Variants in ZBTB20 observed in about 807,000 individuals in gnomAD.
The protein encoded by ZBTB20 is zinc finger and BTB domain-containing protein 20.
Under a neutral mutation model 56.9 loss-of-function variants are expected in ZBTB20, and 9 were observed. The observed-to-expected ratio is 0.16, with a 90% CI of 0.10 to 0.28. ZBTB20 has a LOEUF of 0.28. Among genes scored for constraint, ZBTB20 ranks in the 10% least tolerant of loss-of-function variants. ZBTB20 has a pLI of 1.00. For missense variants in ZBTB20, 655 were observed against 1,003.0 expected (o/e 0.65, Z 4.69); for synonymous variants, 417 against 420.7 (o/e 0.99, Z 0.11).
chr3:114,423,721 G>A (rs2089394049), intron 7 of ZBTB20, among the ~76,000 whole-genome samples: 1 of 152,290 alleles, frequency 6.6e-6, no homozygotes, highest in East Asian at 1.9e-4. Flanking sequence ...TGATGTTCCA[G>A]TGTAAGTTTT....
At chr3:115,056,409 C>G (rs2081784598) in intron 2 of ZBTB20, among the ~76,000 whole-genome samples, 1 of 151,990 alleles carries the variant, frequency 6.6e-6, no homozygotes, top group Admixed American at 6.6e-5. Flanking sequence ...TATATGTGCT[C>G]CCTCATGCCC....
At position 114,314,667 on chromosome 3, in the gene ZBTB20, T is replaced by G. The variant is rs188978878; in HGVS notation, c.*24338A>C. 1 of 151,988 alleles carries G rather than the reference T, an allele frequency of 6.6e-6. No individual in the cohort carries two copies. The highest frequency in any genetic ancestry group is 6.5e-5 in the Admixed American group (1 of 15,274). The allele number at this position is 151,988 out of a possible 1,614,324, so 9.4% of individuals were successfully genotyped here. On this transcript the variant is annotated 3_prime_UTR_variant, in exon 12 of 12. Transcript: ENST00000675478. ...AAACATCATTCTTAGCAACATCAAT[T>G]ACTCTTCCACACAAAACAGAAACCT...
intron 6 of ZBTB20, among the ~76,000 whole-genome samples, chr3:114,573,526 A>G (rs2053669673): frequency 6.6e-6 from 1 of 151,162 alleles, no homozygotes; most frequent in African/African-American, 2.4e-5. Context: ...AGAAACAGAG[A>G]GAGAGAAAGA....
chr3:115,075,553 T>C (rs1419276021), intron 1 of ZBTB20, among the ~76,000 whole-genome samples: 1 of 152,188 alleles, frequency 6.6e-6, no homozygotes, highest in Non-Finnish European at 1.5e-5. Flanking sequence ...TGTTTCCACA[T>C]CTTGGTCATT....
At position 114,330,107 on chromosome 3, in the gene ZBTB20, T is replaced by C. The variant is rs976406702; in HGVS notation, c.*8898A>G. The C allele has an allele frequency of 2.6e-5, 4 of 152,260 alleles. No homozygotes were observed. Among genetic ancestry groups the C allele is most frequent in the African/African-American group, 9.6e-5 (4 of 41,474 alleles). The allele number at this position is 152,260 out of a possible 1,614,324, so 9.4% of individuals were successfully genotyped here. A position where few individuals can be genotyped will look rare whatever the true frequency, so the allele number is the denominator to read the frequency against. The stretch of plus-strand genomic sequence containing the variant: ...CAGCTAAACAAGATCACTTTGAATA[T>C]GAACCTCTTTGTATTAGTCACACCA... On this transcript the variant is annotated 3_prime_UTR_variant, in exon 12 of 12. Transcript: ENST00000675478.
chr3:114,886,866 T>C (rs1237368049), intron 4 of ZBTB20, among the ~76,000 whole-genome samples: 2 of 152,184 alleles, frequency 1.3e-5, no homozygotes, highest in Admixed American at 1.3e-4. Flanking sequence ...ATAATTAACA[T>C]GTTAGCATAT....
Position 114,326,074 on chromosome 3 carries a change from A to T in ZBTB20, c.*12931T>A, listed in dbSNP as rs371124722. 2 of 152,112 alleles carry T rather than the reference A, an allele frequency of 1.3e-5. No homozygotes were observed. Among genetic ancestry groups the T allele is most frequent in the African/African-American group, 4.8e-5 (2 of 41,414 alleles). The allele number at this position is 152,112 out of a possible 1,614,324, so 9.4% of individuals were successfully genotyped here. On this transcript the variant is annotated 3_prime_UTR_variant, in exon 12 of 12. Transcript: ENST00000675478. ...TTTCTCTACTTAAGACTTCATGAAC[A>T]CATACAGTCTTGAAATGGCTAGAAA...
chr3:114,492,231 C>T (rs888007244), intron 7 of ZBTB20, among the ~76,000 whole-genome samples: 7 of 152,138 alleles, frequency 4.6e-5, no homozygotes, highest in East Asian at 1.9e-4. Flanking sequence ...CACTATATGT[C>T]GATTACCCTG....
chr3:114,380,777 CG>C lies in ZBTB20; in HGVS notation c.10del (p.Arg4GlyfsTer33). Reference protein sequence around the residue: MLERKKPKTAENQK... With the variant: MLEXKKPKTAENQK... ...GGAAAAATACTAGTGGAAGTTTTAC[CG>C]TTCTAGCATTTGTCAGGAAGCTTAG... On this transcript the variant is annotated frameshift_variant and splice_region_variant, in exon 9 of 12. Transcript: ENST00000675478. LOFTEE classifies it high-confidence loss of function. 6.6e-7 allele frequency: 1 copy of C among 1,509,584 alleles called. No homozygotes were observed. Among genetic ancestry groups the C allele is most frequent in the Non-Finnish European group, 8.8e-7 (1 of 1,137,240 alleles). The allele number at this position is 1,509,584 out of a possible 1,614,324, so 93.5% of individuals were successfully genotyped here. A position where few individuals can be genotyped will look rare whatever the true frequency, so the allele number is the denominator to read the frequency against.
At chr3:114,562,399 A>G (rs144274172) in intron 6 of ZBTB20, among the ~76,000 whole-genome samples, 24,897 of 151,956 alleles carry the variant, frequency 0.16, 2,249 homozygotes, top group South Asian at 0.25. Flanking sequence ...TCTTGACCTC[A>G]TGATCCACCT....
chr3:114,548,125 A>C (rs534971449), intron 6 of ZBTB20, among the ~76,000 whole-genome samples: 4 of 152,364 alleles, frequency 2.6e-5, no homozygotes, highest in Admixed American at 2.6e-4. Flanking sequence ...TAAGAGACAC[A>C]TGTGCATGTG....
intron 6 of ZBTB20, among the ~76,000 whole-genome samples, chr3:114,608,341 A>G (rs1362386259): frequency 3.3e-5 from 5 of 152,144 alleles, no homozygotes; most frequent in African/African-American, 1.2e-4. Context: ...AATCATACCA[A>G]TTGACTAGTT....
intron 7 of ZBTB20, among the ~76,000 whole-genome samples, chr3:114,474,898 C>T (rs1204878101): frequency 6.6e-6 from 1 of 152,092 alleles, no homozygotes; most frequent in Non-Finnish European, 1.5e-5. Context: ...ATCTTGTGTC[C>T]TCTGGTCTCT....
At chr3:115,045,781 T>C (rs2081312707) in intron 2 of ZBTB20, among the ~76,000 whole-genome samples, 2 of 152,154 alleles carry the variant, frequency 1.3e-5, no homozygotes, top group African/African-American at 4.8e-5. Context: ...ACTACTGACA[T>C]ATTCTTTCCC....
chr3:114,947,007 AG>A (rs771110586), intron 3 of ZBTB20, among the ~76,000 whole-genome samples: 5 of 145,698 alleles, frequency 3.4e-5, no homozygotes, highest in Non-Finnish European at 7.4e-5. Context: ...AGACATGAAT[AG>A]CCATTTTTCA....
chr3:114,422,601 T>C (rs1208457319), intron 7 of ZBTB20, among the ~76,000 whole-genome samples: 2 of 152,204 alleles, frequency 1.3e-5, no homozygotes, highest in African/African-American at 4.8e-5. Context: ...TTGTAAGATG[T>C]TGTCCAGATT....
intron 6 of ZBTB20, among the ~76,000 whole-genome samples, chr3:114,691,161 C>T (rs1244807825): frequency 1.3e-5 from 2 of 152,104 alleles, no homozygotes; most frequent in African/African-American, 4.8e-5. Flanking sequence ...TCAACTGTTA[C>T]ATGTTAGAAA....
At chr3:114,569,210 A>C (rs547377114) in intron 6 of ZBTB20, among the ~76,000 whole-genome samples, 2 of 152,348 alleles carry the variant, frequency 1.3e-5, no homozygotes, top group East Asian at 3.9e-4. Flanking sequence ...GGCTCTATGG[A>C]AAATGCCATA....
At chr3:114,571,988 T>C (rs1310452980) in intron 6 of ZBTB20, among the ~76,000 whole-genome samples, 2 of 152,166 alleles carry the variant, frequency 1.3e-5, no homozygotes, top group African/African-American at 4.8e-5. Flanking sequence ...TGGGAGGCAT[T>C]AATGCTAATA....
Sources: allele counts gnomAD v4.1 joint callset (sites outside exome capture counted in the v4.1 genomes callset), GRCh38; gene constraint gnomAD v4.1.1; transcripts MANE v1.5; gene names NCBI Gene and HGNC (gene_info 2026-07-23, HGNC 2026-07-21).